The following ADGRB3 variants were observed in gnomAD, a reference collection of about 807,000 sequenced individuals.
ADGRB3 encodes the protein brain-specific angiogenesis inhibitor 3.
A neutral mutation model predicts 193.4 loss-of-function variants in ADGRB3; 37 were observed. The ratio of observed to expected loss-of-function variants is 0.19; its 90% CI spans 0.15 to 0.25. The LOEUF is 0.25. Among genes scored for constraint, ADGRB3 ranks in the 10% least tolerant of loss-of-function variants. The pLI is 1.00. For synonymous variants in ADGRB3, 690 were observed against 644.2 expected, an observed-to-expected ratio of 1.07 and a Z score of -1.08; for missense variants, 1,637 against 1,852.9, an observed-to-expected ratio of 0.88 and a Z score of 2.14.
At chr6:69,077,432 CTTAG>C (rs1459363412) in intron 17 of ADGRB3, among the ~76,000 whole-genome samples, 1 of 151,720 alleles carries the variant, frequency 6.6e-6, no homozygotes, top group Non-Finnish European at 1.5e-5. Flanking sequence ...GCAACTTTGA[CTTAG>C]TTTTATTATT....
chr6:68,840,369 CTTTTTTTTTTTTTTTTTTTTTTTTTTTTT>C (rs752625602), intron 3 of ADGRB3, among the ~76,000 whole-genome samples: 1 of 69,424 alleles, frequency 1.4e-5, no homozygotes, highest in Non-Finnish European at 2.4e-5. Context: ...ACTGGGCAGT[CTTTTTTTTTTTTTTTTTTTTTTTTTTTTT>C]TTTTTTTTTT....
intron 10 of ADGRB3, among the ~76,000 whole-genome samples, chr6:68,986,066 T>C (rs1769064413): frequency 6.6e-6 from 1 of 152,194 alleles, no homozygotes; most frequent in Middle Eastern, 3.2e-3. Context: ...TGTCAAATTC[T>C]AGCCAAAAAC....
At chr6:68,780,360 T>C (rs1766829728) in intron 3 of ADGRB3, among the ~76,000 whole-genome samples, 1 of 152,068 alleles carries the variant, frequency 6.6e-6, no homozygotes, top group Admixed American at 6.6e-5. Context: ...ATTTGGTAAC[T>C]AGTTGTCTTT....
Position 69,360,910 on chromosome 6 carries a change from A to G in ADGRB3, c.3637A>G (p.Thr1213Ala). Reference protein sequence around the residue: ...DIGPCRAATITGTLSRISLND... With the variant: ...DIGPCRAATIAGTLSRISLND... ...TGGTCCTTGCCGAGCAGCCACAATA[A>G]CAGGAACACTTTCTAGGATTTCTCT... Residue 1213 changes from threonine to alanine, a missense_variant, in exon 29 of 32, where the codon ACA (threonine) becomes GCA (alanine). By Grantham distance (58) the Thr-to-Ala change is moderately conservative. Transcript: ENST00000370598. 6.2e-7 allele frequency: 1 copy of G among 1,611,776 alleles called. No individual in the cohort carries two copies. Among genetic ancestry groups the G allele is most frequent in the Non-Finnish European group, 8.5e-7 (1 of 1,178,640 alleles).
At chr6:69,388,592 G>T in intron 31 of ADGRB3, 111 bp from the exon 32 acceptor site, 1 of 1,035,920 alleles carries the variant, frequency 9.7e-7, no homozygotes, top group South Asian at 1.8e-5. Flanking sequence ...AGTCATCTCT[G>T]CATCACAGAA....
chr6:69,145,417 C>T (rs1234581589), intron 17 of ADGRB3, among the ~76,000 whole-genome samples: 1 of 152,198 alleles, frequency 6.6e-6, no homozygotes, highest in Non-Finnish European at 1.5e-5. Context: ...ACTGCAGAGC[C>T]CCCAAAGGGG....
chr6:69,046,820 C>A (rs1771249804), intron 13 of ADGRB3, among the ~76,000 whole-genome samples: 1 of 152,116 alleles, frequency 6.6e-6, no homozygotes, highest in South Asian at 2.1e-4. Context: ...ATTTAAATTA[C>A]AAATTTTTAA....
chr6:69,053,203 C>T (rs1454819720), intron 15 of ADGRB3, among the ~76,000 whole-genome samples: 1 of 151,786 alleles, frequency 6.6e-6, no homozygotes, highest in Admixed American at 6.6e-5. Flanking sequence ...TGTATAGAAC[C>T]ATAGGATATT....
intron 3 of ADGRB3, among the ~76,000 whole-genome samples, chr6:68,737,615 T>C (rs149567279): frequency 3.0e-4 from 45 of 152,112 alleles, no homozygotes; most frequent in African/African-American, 1.0e-3. Context: ...AGACCCAAGA[T>C]TGGAAAGTGG....
chr6:68,860,788 A>G (rs1283233137), intron 3 of ADGRB3, among the ~76,000 whole-genome samples: 1 of 152,130 alleles, frequency 6.6e-6, no homozygotes, highest in African/African-American at 2.4e-5. Flanking sequence ...GTCAAATGGT[A>G]GTTCTATTAT....
chr6:68,923,212 C>A (rs182534508), intron 3 of ADGRB3, among the ~76,000 whole-genome samples: 1 of 151,954 alleles, frequency 6.6e-6, no homozygotes, highest in African/African-American at 2.4e-5. Context: ...TAAAACATGA[C>A]CAGAACTACT....
At chr6:68,923,131 A>G (rs1015230878) in intron 3 of ADGRB3, among the ~76,000 whole-genome samples, 2 of 152,124 alleles carry the variant, frequency 1.3e-5, no homozygotes, top group South Asian at 4.1e-4. Flanking sequence ...TTTTCATTAA[A>G]TGTGTATAAA....
chr6:69,265,886 G>A (rs536008323), intron 20 of ADGRB3, among the ~76,000 whole-genome samples: 2 of 151,984 alleles, frequency 1.3e-5, no homozygotes, highest in East Asian at 3.9e-4. Context: ...CTCTTTCAAG[G>A]AAAATGTAGT....
intron 15 of ADGRB3, among the ~76,000 whole-genome samples, chr6:69,054,126 G>A (rs1298090813): frequency 6.6e-6 from 1 of 152,046 alleles, no homozygotes; most frequent in East Asian, 1.9e-4. Context: ...TTCCACTATA[G>A]TGGAATAAAG....
intron 17 of ADGRB3, among the ~76,000 whole-genome samples, chr6:69,106,089 GCA>G (rs977534102): frequency 4.1e-4 from 60 of 145,670 alleles, no homozygotes; most frequent in African/African-American, 1.5e-3. Context: ...AACCCGGGAG[GCA>G]GAGGCTGCAA....
At chr6:68,856,512 C>T (rs761795347) in intron 3 of ADGRB3, among the ~76,000 whole-genome samples, 1 of 152,102 alleles carries the variant, frequency 6.6e-6, no homozygotes, top group Non-Finnish European at 1.5e-5. Flanking sequence ...TGTTATGTTT[C>T]AGCAAATAGA....
chr6:69,048,667 T>C (rs1216803282), intron 14 of ADGRB3, among the ~76,000 whole-genome samples: 4 of 152,146 alleles, frequency 2.6e-5, no homozygotes, highest in African/African-American at 4.8e-5. Flanking sequence ...TGTTGTATTT[T>C]CCATGCAATG....
At chr6:68,863,366 A>T (rs970558756) in intron 3 of ADGRB3, among the ~76,000 whole-genome samples, 1 of 152,074 alleles carries the variant, frequency 6.6e-6, no homozygotes, top group Admixed American at 6.5e-5. Context: ...TATTGACTGC[A>T]ATTAAGTTTA....
At chr6:68,849,234 A>G (rs543746650) in intron 3 of ADGRB3, among the ~76,000 whole-genome samples, 1 of 151,990 alleles carries the variant, frequency 6.6e-6, no homozygotes, top group Admixed American at 6.6e-5. Context: ...TATTTGTATT[A>G]ATACGTTTAA....
Sources: allele counts gnomAD v4.1 joint callset (sites outside exome capture counted in the v4.1 genomes callset), GRCh38; gene constraint gnomAD v4.1.1; transcripts MANE v1.5; gene names NCBI Gene and HGNC (gene_info 2026-07-23, HGNC 2026-07-21).